Variants in ASPA observed in about 807,000 individuals in gnomAD.
ASPA encodes aspartoacylase.
Under a neutral mutation model 29.6 loss-of-function variants are expected in ASPA, and 25 were observed. The ratio of observed to expected loss-of-function variants is 0.85; its 90% CI spans 0.62 to 1.18. The LOEUF (loss-of-function observed/expected upper bound fraction) is 1.18, where lower values mean the gene tolerates loss of function less well. Ranked by LOEUF, ASPA falls within the 50% of genes most tolerant of loss-of-function variation. ASPA has a pLI of 0.00. For synonymous variants in ASPA, 131 were observed against 130.3 expected (o/e 1.01, Z -0.04); for missense variants, 333 against 385.7 (o/e 0.86, Z 1.14).
At chr17:3,496,670 T>C (rs2073912065) in intron 5 of ASPA, among the ~76,000 whole-genome samples, 1 of 152,186 alleles carries the variant, frequency 6.6e-6, no homozygotes, top group Admixed American at 6.5e-5. Context: ...CTAACTGGAA[T>C]CACGTAGGGG....
chr17:3,494,311 GT>G, intron 4 of ASPA, 38 bp from the exon 5 acceptor site: 1 of 1,500,046 alleles, frequency 6.7e-7, no homozygotes, highest in Non-Finnish European at 9.3e-7. Flanking sequence ...GCCCAGAGAT[GT>G]TTTTAGTTGC....
Position 3,503,362 on chromosome 17 carries a change from T to TAA in ASPA, c.*4274_*4275insAA, listed in dbSNP as rs2074012128. 1 of 152,226 alleles carries TAA rather than the reference T, an allele frequency of 6.6e-6. No individual in the cohort carries two copies. Among genetic ancestry groups the TAA allele is most frequent in the Admixed American group, 6.5e-5 (1 of 15,282 alleles). The allele number at this position is 152,226 out of a possible 1,614,324, so 9.4% of individuals were successfully genotyped here. A position where few individuals can be genotyped will look rare whatever the true frequency, so the allele number is the denominator to read the frequency against. ...CAGCATTTTTTTCTATTTTTGTACT[T>TAA]TACCAAAATTATTTACATTGGAATA... On this transcript the variant is annotated 3_prime_UTR_variant, in exon 6 of 6. Transcript: ENST00000263080.
At position 3,494,403 on chromosome 17, in the gene ASPA, G is replaced by T; in HGVS notation, c.688G>T (p.Asp230Tyr). 6.2e-7 allele frequency: 1 copy of T among 1,613,282 alleles called. No individual in the cohort carries two copies. Among genetic ancestry groups the T allele is most frequent in the Non-Finnish European group, 8.5e-7 (1 of 1,179,198 alleles). Residue 230 changes from aspartate to tyrosine, a missense_variant, in exon 5 of 6, where the codon GAT becomes TAT. Transcript: ENST00000263080. ...GGTCTATAAAATTATAGAGAAAGTT[G>T]ATTACCCCCGGGATGAAAATGGAGA... ...IEVYKIIEKV[D>Y]YPRDENGEIA... is the part of the protein sequence containing the mutation.
chr17:3,477,839 A>G (rs1179689696), intron 1 of ASPA, among the ~76,000 whole-genome samples: 6 of 152,088 alleles, frequency 3.9e-5, no homozygotes, highest in South Asian at 2.1e-4. Context: ...ACACAGCTCT[A>G]TACAACTTGG....
intron 1 of ASPA, among the ~76,000 whole-genome samples, chr17:3,477,755 C>T (rs1180394078): frequency 6.6e-6 from 1 of 152,038 alleles, no homozygotes; most frequent in South Asian, 2.1e-4. Context: ...CGCTGGGCCG[C>T]TTTTTTTCTT....
At chr17:3,474,821 G>A (rs910975271), upstream of ASPA, among the ~76,000 whole-genome samples, 1 of 152,164 alleles carries the variant, frequency 6.6e-6, no homozygotes, top group African/African-American at 2.4e-5. Context: ...GAACTGTGAA[G>A]AAGACCAAAA....
chr17:3,484,960 T>C (rs1365498507), intron 3 of ASPA, among the ~76,000 whole-genome samples: 2 of 152,190 alleles, frequency 1.3e-5, no homozygotes, highest in East Asian at 3.8e-4. Context: ...AAATATTAGC[T>C]CAAATTACCA....
intron 3 of ASPA, among the ~76,000 whole-genome samples, chr17:3,487,501 T>C (rs761534396): frequency 2.0e-5 from 3 of 152,204 alleles, no homozygotes; most frequent in Non-Finnish European, 2.9e-5. Context: ...ACAAATATCA[T>C]AGCCTAAGAT....
In ASPA at chr17:3,503,202, G is replaced by GGAATGAAT. The variant is rs536159310; in HGVS notation, c.*4135_*4142dup. On this transcript the variant is annotated 3_prime_UTR_variant, in exon 6 of 6. Coordinates refer to ENST00000263080, the MANE Select transcript of ASPA (RefSeq NM_000049.4). ...TTTACCAAAAATACTAACATTATCT[G>GGAATGAAT]GAATGAATGAATGAATGAATGAATG... 2 of 151,570 alleles carry GGAATGAAT rather than the reference G, an allele frequency of 1.3e-5. No homozygotes were observed. The highest frequency in any genetic ancestry group is 2.4e-5 in the African/African-American group (1 of 41,184). 9.4% of individuals were successfully genotyped at this position (151,570 alleles called of 1,614,324 possible).
chr17:3,493,140 C>G (rs1009411969), intron 4 of ASPA, among the ~76,000 whole-genome samples: 4 of 152,170 alleles, frequency 2.6e-5, no homozygotes, highest in Non-Finnish European at 5.9e-5. Flanking sequence ...ATAAACTACT[C>G]CTTTTCCAAG....
chr17:3,480,489 C>T (rs1370624503), intron 1 of ASPA, among the ~76,000 whole-genome samples: 1 of 152,122 alleles, frequency 6.6e-6, no homozygotes, highest in Non-Finnish European at 1.5e-5. Context: ...ACCACGAGAC[C>T]AGATAAGCCA....
chr17:3,495,569 TTTTTGTTTTTG>T (rs1418578578), intron 5 of ASPA, among the ~76,000 whole-genome samples: 2 of 151,902 alleles, frequency 1.3e-5, no homozygotes, highest in African/African-American at 4.8e-5. Context: ...TTTGTTTTTG[TTTTTGTTTTTG>T]TTTTTTGAGA....
At chr17:3,494,548 A>T in intron 5 of ASPA, 89 bp downstream of exon 5, 1 of 1,100,886 alleles carries the variant, frequency 9.1e-7, no homozygotes, top group Admixed American at 1.7e-5. Context: ...CTTCGCGTAC[A>T]TTCGCCCATT....
At chr17:3,474,309 C>A (rs2073489923), upstream of ASPA, 1 of 152,198 alleles carries the variant, frequency 6.6e-6, no homozygotes, top group Non-Finnish European at 1.5e-5. Context: ...ATAAAACAAG[C>A]TTCAAAATGC....
chr17:3,493,518 G>A (rs1289332302), intron 4 of ASPA, among the ~76,000 whole-genome samples: 6 of 119,460 alleles, frequency 5.0e-5, no homozygotes, highest in East Asian at 5.8e-4. Flanking sequence ...CCAAGACCAC[G>A]CCACTGCACT....
Position 3,502,642 on chromosome 17 carries a change from CA to C in ASPA, c.*3555del, listed in dbSNP as rs2074004526. On this transcript the variant is annotated 3_prime_UTR_variant, in exon 6 of 6. Transcript: ENST00000263080. ...TTAAGAAACTGAATGGCCCTTTGTC[CA>C]CAAACAGTAACCCACACAGCATTGC... The C allele has an allele frequency of 6.6e-6, 1 of 152,204 alleles. No homozygotes were observed. The highest frequency in any genetic ancestry group is 2.1e-4 in the South Asian group (1 of 4,828). The allele number at this position is 152,204 out of a possible 1,614,324, so 9.4% of individuals were successfully genotyped here.
At chr17:3,494,201 A>C (rs1430126619) in intron 4 of ASPA, 149 bp from the exon 5 acceptor site, 2 of 641,392 alleles carry the variant, frequency 3.1e-6, no homozygotes, top group Admixed American at 3.9e-5. Context: ...GATGGGGTTC[A>C]CCATGTTGGC....
At chr17:3,474,766 C>T (rs952486382), upstream of ASPA, among the ~76,000 whole-genome samples, 2 of 152,160 alleles carry the variant, frequency 1.3e-5, no homozygotes, top group Admixed American at 6.5e-5. Context: ...GTTTCCTGAG[C>T]ACACTGTAAT....
At chr17:3,492,169 G>A (rs963464133) in intron 4 of ASPA, among the ~76,000 whole-genome samples, 13 of 152,152 alleles carry the variant, frequency 8.5e-5, no homozygotes, top group Non-Finnish European at 1.3e-4. Flanking sequence ...GCGCCATTGC[G>A]CCTGGCGAGA....
Sources: allele counts gnomAD v4.1 joint callset (sites outside exome capture counted in the v4.1 genomes callset), GRCh38; gene constraint gnomAD v4.1.1; transcripts MANE v1.5; gene names NCBI Gene and HGNC (gene_info 2026-07-23, HGNC 2026-07-21).